LINGO2: variants seen among roughly 807,000 people sequenced by gnomAD.
The protein encoded by LINGO2 is leucine rich repeat and Ig domain containing 2.
A neutral mutation model predicts 30.6 loss-of-function variants in LINGO2; 14 were observed. The observed-to-expected ratio is 0.46, with a 90% CI of 0.30 to 0.72. The LOEUF is 0.72. Ranked by LOEUF, LINGO2 falls within the 30% of genes least tolerant of loss-of-function variation. The pLI, the probability that LINGO2 is intolerant of heterozygous loss-of-function variation, is 0.07. For synonymous variants in LINGO2, 317 were observed against 288.5 expected (o/e 1.10, Z -1.00); for missense variants, 729 against 751.7 (o/e 0.97, Z 0.35).
the LINGO2 span, among the ~76,000 whole-genome samples, chr9:28,944,517 T>C: frequency 2.0e-5 from 3 of 152,152 alleles, no homozygotes; most frequent in Non-Finnish European, 4.4e-5. Flanking sequence ...GCAATTCTCC[T>C]GCCTCAGCCT....
At chr9:28,512,335 G>A (rs563424337) in intron 1 of LINGO2, among the ~76,000 whole-genome samples, 2 of 151,896 alleles carry the variant, frequency 1.3e-5, no homozygotes, top group South Asian at 4.1e-4. Flanking sequence ...AGATGACAGG[G>A]TCTTGCTCCA....
the LINGO2 span, among the ~76,000 whole-genome samples, chr9:28,806,772 T>C: frequency 1.3e-5 from 2 of 152,112 alleles, no homozygotes. Context: ...CATTTTTACA[T>C]AATACACTGG....
At chr9:29,114,675 T>C in the LINGO2 span, among the ~76,000 whole-genome samples, 1 of 151,212 alleles carries the variant, frequency 6.6e-6, no homozygotes, top group Non-Finnish European at 1.5e-5. Context: ...GTCCTTGCGA[T>C]AGTTTACTGA....
chr9:28,055,317 G>A (rs879740793), intron 4 of LINGO2, among the ~76,000 whole-genome samples: 1 of 152,078 alleles, frequency 6.6e-6, no homozygotes, highest in Non-Finnish European at 1.5e-5. Context: ...GTAATTTCTT[G>A]ATAGAACAGG....
chr9:29,188,836 C>A, the LINGO2 span, among the ~76,000 whole-genome samples: 7 of 127,984 alleles, frequency 5.5e-5, no homozygotes, highest in South Asian at 2.5e-4. Context: ...GGGGCTGACC[C>A]CCCCGCCACC....
At chr9:27,995,579 A>C (rs376847390) in intron 5 of LINGO2, among the ~76,000 whole-genome samples, 47 of 152,314 alleles carry the variant, frequency 3.1e-4, no homozygotes, top group African/African-American at 1.1e-3. Flanking sequence ...GGTTAATCAC[A>C]TTAGTAGAAT....
At chr9:28,908,106 T>C in the LINGO2 span, among the ~76,000 whole-genome samples, 5 of 151,800 alleles carry the variant, frequency 3.3e-5, no homozygotes, top group South Asian at 2.1e-4. Flanking sequence ...TAATACTTTA[T>C]AGAAACTATT....
At chr9:29,030,462 A>C in the LINGO2 span, among the ~76,000 whole-genome samples, 1 of 152,146 alleles carries the variant, frequency 6.6e-6, no homozygotes, top group Non-Finnish European at 1.5e-5. Flanking sequence ...GATTCTCTCC[A>C]GAGTCCAATT....
At chr9:28,689,318 C>T in the LINGO2 span, among the ~76,000 whole-genome samples, 268 of 152,102 alleles carry the variant, frequency 1.8e-3, no homozygotes, top group African/African-American at 6.0e-3. Flanking sequence ...GACAAATAGC[C>T]GACTAATCTT....
At chr9:28,479,956 T>TATATATATATATATATATAC (rs1491144467) in intron 1 of LINGO2, among the ~76,000 whole-genome samples, 5 of 105,036 alleles carry the variant, frequency 4.8e-5, no homozygotes, top group African/African-American at 1.1e-4. Context: ...TATATATATA[T>TATATATATATATATATATAC]GTACATTTTG....
intron 1 of LINGO2, among the ~76,000 whole-genome samples, chr9:28,656,865 A>T (rs936830022): frequency 1.3e-5 from 2 of 152,092 alleles, no homozygotes; most frequent in African/African-American, 4.8e-5. Flanking sequence ...CCCAGACTAG[A>T]TAATTAAATA....
At chr9:28,255,824 A>C (rs1439067608) in intron 4 of LINGO2, among the ~76,000 whole-genome samples, 1 of 152,124 alleles carries the variant, frequency 6.6e-6, no homozygotes, top group Non-Finnish European at 1.5e-5. Context: ...GAGAGGCTAA[A>C]GTGAAACTTC....
upstream of LINGO2, among the ~76,000 whole-genome samples, chr9:28,672,266 G>A (rs1300397063): frequency 6.6e-6 from 1 of 152,168 alleles, no homozygotes; most frequent in African/African-American, 2.4e-5. Flanking sequence ...ACGAATTTCT[G>A]CATATGTTGC....
intron 4 of LINGO2, among the ~76,000 whole-genome samples, chr9:28,208,905 C>T (rs1488422342): frequency 6.6e-6 from 1 of 151,972 alleles, no homozygotes; most frequent in Non-Finnish European, 1.5e-5. Context: ...CTTTCCATTT[C>T]CCATCATTTT....
At chr9:28,356,251 T>G (rs1820205426) in intron 3 of LINGO2, among the ~76,000 whole-genome samples, 1 of 152,140 alleles carries the variant, frequency 6.6e-6, no homozygotes, top group African/African-American at 2.4e-5. Flanking sequence ...TCATTGAATA[T>G]CATGATGTTC....
intron 4 of LINGO2, among the ~76,000 whole-genome samples, chr9:28,131,479 T>G (rs1827377268): frequency 6.6e-6 from 1 of 152,158 alleles, no homozygotes; most frequent in South Asian, 2.1e-4. Flanking sequence ...CTTTTTTATC[T>G]CCCCAAAATG....
intron 4 of LINGO2, among the ~76,000 whole-genome samples, chr9:28,160,724 T>C (rs1180400186): frequency 6.6e-6 from 1 of 152,202 alleles, no homozygotes; most frequent in African/African-American, 2.4e-5. Context: ...TATTCTATCC[T>C]CAGTGCTGGG....
Position 28,149,452 on chromosome 9 carries a change from C to A in LINGO2, c.-86-137047G>T, listed in dbSNP as rs913492744. On this transcript the variant is annotated intron_variant, in intron 4 of 5. Transcript: ENST00000379992. Reference sequence around the variant, plus strand: ...GCCCCACCATCTGGGCAGTGAGGAGCGCCTCTGCCCGGCCCCCGCCCTCTC... The same window carrying A: ...GCCCCACCATCTGGGCAGTGAGGAGAGCCTCTGCCCGGCCCCCGCCCTCTC... Among the ~76,000 whole-genome samples, 4 of 150,024 alleles carry A rather than the reference C, an allele frequency of 2.7e-5. No homozygotes were observed. The East Asian group carries it at 8.2e-4, about 31-fold the overall frequency.
At chr9:28,695,045 T>C in the LINGO2 span, among the ~76,000 whole-genome samples, 3 of 136,846 alleles carry the variant, frequency 2.2e-5, no homozygotes, top group African/African-American at 9.3e-5. Context: ...CCCCAATCTC[T>C]AATACAAACA....
Sources: allele counts gnomAD v4.1 joint callset (sites outside exome capture counted in the v4.1 genomes callset), GRCh38; gene constraint gnomAD v4.1.1; transcripts MANE v1.5; gene names NCBI Gene and HGNC (gene_info 2026-07-23, HGNC 2026-07-21).